PDF: variants seen among roughly 807,000 people sequenced by gnomAD.
The protein encoded by PDF is peptide deformylase, mitochondrial, also known as peptide deformylase-like protein.
A neutral mutation model predicts 20.3 loss-of-function variants in PDF; 31 were observed. The ratio of observed to expected loss-of-function variants is 1.52; its 90% CI spans 1.15 to 2.06. The LOEUF (loss-of-function observed/expected upper bound fraction) is 2.06, where lower values mean the gene tolerates loss of function less well. PDF is among the 30% of genes most tolerant of loss of function. The pLI is 0.00. For missense variants in PDF, 447 were observed against 362.5 expected (o/e 1.23, Z -1.89); for synonymous variants, 254 against 172.0 (o/e 1.48, Z -3.73).
At position 69,330,119 on chromosome 16, in the gene PDF, C is replaced by T. The variant is rs752362274; in HGVS notation, c.452G>A (p.Arg151His). The T allele has an allele frequency of 4.4e-6, 7 of 1,584,022 alleles. No individual in the cohort carries two copies. The highest frequency in any genetic ancestry group is 6.0e-6 in the Non-Finnish European group (7 of 1,167,858). Residue 151 changes from arginine to histidine, a missense_variant, in exon 1 of 2, where the codon CGC becomes CAC. Coordinates refer to ENST00000288022, the MANE Select transcript of PDF (RefSeq NM_022341.2). Reference sequence around the variant, plus strand: ...TCGCAGGCTGGGGTTCACGAACACGCGCAGGGGGAAGGGCTCCATTTGGCG... The same window carrying T: ...TCGCAGGCTGGGGTTCACGAACACGTGCAGGGGGAAGGGCTCCATTTGGCG... ...ALRQMEPFPL[R>H]VFVNPSLRVL...
intron 1 of PDF, among the ~76,000 whole-genome samples, chr16:69,329,509 G>A (rs1390912780): frequency 1.3e-5 from 2 of 152,190 alleles, no homozygotes; most frequent in Non-Finnish European, 2.9e-5. Flanking sequence ...CAGAGGTTCT[G>A]CAGCTTGAGA....
In PDF at chr16:69,330,409, A is replaced by C. The variant is rs1403627963; in HGVS notation, c.162T>G (p.Arg54=). Residue 54 remains arginine, a synonymous_variant, in exon 1 of 2, where the codon CGT becomes CGG. Transcript: ENST00000288022. ...GCGGTTCGGGAGGACCCAGCACCAGACGCCTCAGGTGGCGCCAATAGGAGC... is the reference window on the plus strand; with the variant it reads ...GCGGTTCGGGAGGACCCAGCACCAGCCGCCTCAGGTGGCGCCAATAGGAGC... ...LRRSYWRHLR[R]LVLGPPEPPF... is the part of the protein sequence containing the mutation. 1 of 1,478,094 alleles carries C rather than the reference A, an allele frequency of 6.8e-7. No individual in the cohort carries two copies. The highest frequency in any genetic ancestry group is 8.9e-7 in the Non-Finnish European group (1 of 1,122,522). 91.6% of individuals were successfully genotyped at this position (1,478,094 alleles called of 1,614,324 possible).
chr16:69,329,581 G>A (rs1965718628), intron 1 of PDF, among the ~76,000 whole-genome samples: 2 of 152,146 alleles, frequency 1.3e-5, no homozygotes, highest in South Asian at 2.1e-4. Flanking sequence ...CAATCACCCC[G>A]ACCCCAGCAG....
chr16:69,330,240 G>C lies in PDF; in HGVS notation c.331C>G (p.Leu111Val), dbSNP rs1199458738. ...QVMRRRRCVG[L>V]SAPQLGVPRQ... Reference sequence around the variant, plus strand: ...GGCACCCCCAGCTGCGGCGCGCTTAGGCCCACGCAGCGCCGCCGCCGCATC... The same window carrying C: ...GGCACCCCCAGCTGCGGCGCGCTTACGCCCACGCAGCGCCGCCGCCGCATC... Residue 111 changes from leucine to valine, a missense_variant, in exon 1 of 2, where the codon CTA (leucine) becomes GTA (valine). Coordinates refer to ENST00000288022, the MANE Select transcript of PDF (RefSeq NM_022341.2). The C allele has an allele frequency of 1.5e-5, 22 of 1,442,944 alleles. No individual in the cohort carries two copies. The highest frequency in any genetic ancestry group is 2.0e-5 in the Non-Finnish European group (22 of 1,106,914). The allele number at this position is 1,442,944 out of a possible 1,614,324, so 89.4% of individuals were successfully genotyped here.
intron 1 of PDF, among the ~76,000 whole-genome samples, chr16:69,329,496 T>C (rs2143302395): frequency 6.6e-6 from 1 of 152,308 alleles, no homozygotes; most frequent in South Asian, 2.1e-4. Flanking sequence ...TCCCAACTCC[T>C]AACAGAGGTT....
In PDF at chr16:69,330,488, C is replaced by T. The variant is rs2011715638; in HGVS notation, c.83G>A (p.Arg28Gln). 6.8e-7 allele frequency: 1 copy of T among 1,473,158 alleles called. No individual in the cohort carries two copies. Among genetic ancestry groups the T allele is most frequent in the African/African-American group, 1.5e-5 (1 of 67,778 alleles). 91.3% of individuals were successfully genotyped at this position (1,473,158 alleles called of 1,614,324 possible). A position where few individuals can be genotyped will look rare whatever the true frequency, so the allele number is the denominator to read the frequency against. The change falls in exon 1 of 2, where the codon CGG (arginine) becomes CAG (glutamine). Residue 28 changes from arginine (R) to glutamine (Q), a missense_variant. Arg to Gln is a conservative substitution (Grantham distance 43). Coordinates refer to ENST00000288022, the MANE Select transcript of PDF (RefSeq NM_022341.2). ...PWGGAAAVGVRACSSTAAPDG... is the reference protein window; with the variant it reads ...PWGGAAAVGVQACSSTAAPDG... ...CGGGGCGGCCGTGGAGCTGCAAGCC[C>T]GGACACCGACGGCTGCCGCCCCGCC...
rs1196388488 is a variant in PDF at position 69,329,124 on chromosome 16, G to A, written c.630C>T (p.Arg210=). 22 of 1,609,936 alleles carry A rather than the reference G, an allele frequency of 1.4e-5. No individual in the cohort carries two copies. Among genetic ancestry groups the A allele is most frequent in the Non-Finnish European group, 1.9e-5 (22 of 1,179,270 alleles). ...GGTGGTCCATCTCGTGCTGGATGATGCGGGCTGCCCACCCGCTCGCCTGCC... is the reference window on the plus strand; with the variant it reads ...GGTGGTCCATCTCGTGCTGGATGATACGGGCTGCCCACCCGCTCGCCTGCC... ...VVWQASGWAA[R]IIQHEMDHLQ... Residue 210 remains arginine, a synonymous_variant, in exon 2 of 2, where the codon CGC becomes CGT. Transcript: ENST00000288022.
Position 69,330,121 on chromosome 16 carries a change from C to A in PDF, c.450G>T (p.Leu150=), listed in dbSNP as rs1326949429. The A allele has an allele frequency of 3.8e-6, 6 of 1,584,056 alleles. No individual in the cohort carries two copies. The East Asian group carries it at 1.4e-4, about 38-fold the overall frequency. The change falls in exon 1 of 2, where the codon CTG becomes CTT. Residue 150 remains leucine (L), a synonymous_variant. Transcript: ENST00000288022. ...RALRQMEPFP[L]RVFVNPSLRV... Reference sequence around the variant, plus strand: ...GCAGGCTGGGGTTCACGAACACGCGCAGGGGGAAGGGCTCCATTTGGCGGA... The same window carrying A: ...GCAGGCTGGGGTTCACGAACACGCGAAGGGGGAAGGGCTCCATTTGGCGGA...
In PDF at chr16:69,329,122, A is replaced by T; in HGVS notation, c.632T>A (p.Ile211Asn). ...CAGGTGGTCCATCTCGTGCTGGATG[A>T]TGCGGGCTGCCCACCCGCTCGCCTG... ...VWQASGWAAR[I>N]IQHEMDHLQG... Residue 211 changes from isoleucine to asparagine, a missense_variant, in exon 2 of 2, where the codon ATC becomes AAC. Coordinates refer to ENST00000288022, the MANE Select transcript of PDF (RefSeq NM_022341.2). The T allele has an allele frequency of 6.2e-7, 1 of 1,610,190 alleles. No homozygotes were observed. Among genetic ancestry groups the T allele is most frequent in the Non-Finnish European group, 8.5e-7 (1 of 1,179,274 alleles).
At chr16:69,329,925 C>G in intron 1 of PDF, 72 bp downstream of exon 1, 1 of 1,445,786 alleles carries the variant, frequency 6.9e-7, no homozygotes, top group Non-Finnish European at 9.1e-7. Flanking sequence ...GCGACCACTT[C>G]TGCGCTCTCG....
Position 69,330,075 on chromosome 16 carries a change from C to T in PDF, c.496G>A (p.Val166Ile), listed in dbSNP as rs376965963. 1.3e-5 allele frequency: 20 copies of T among 1,566,858 alleles called. No individual in the cohort carries two copies. The highest frequency in any genetic ancestry group is 1.3e-5 in the Non-Finnish European group (15 of 1,158,536). ...PSLRVLDSRLVTFPEGCESVA... is the reference protein window; with the variant it reads ...PSLRVLDSRLITFPEGCESVA... ...CTCTCGCAGCCCTCGGGAAAGGTGA[C>T]CAGGCGGCTGTCAAGCACTCGCAGG... The change falls in exon 1 of 2, where the codon GTC becomes ATC. Residue 166 changes from valine to isoleucine, a missense_variant. By Grantham distance (29) the Val-to-Ile change is conservative. Coordinates refer to ENST00000288022, the MANE Select transcript of PDF (RefSeq NM_022341.2).
Position 69,330,249 on chromosome 16 carries a change from A to C in PDF, c.322T>G (p.Cys108Gly). 7.0e-7 allele frequency: 1 copy of C among 1,436,898 alleles called. No individual in the cohort carries two copies. Among genetic ancestry groups the C allele is most frequent in the Non-Finnish European group, 9.1e-7 (1 of 1,104,414 alleles). 89.0% of individuals were successfully genotyped at this position (1,436,898 alleles called of 1,614,324 possible). ...RLVQVMRRRR[C>G]VGLSAPQLGV... is the part of the protein sequence containing the mutation. ...AGCTGCGGCGCGCTTAGGCCCACGCAGCGCCGCCGCCGCATCACCTGGACC... is the reference window on the plus strand; with the variant it reads ...AGCTGCGGCGCGCTTAGGCCCACGCCGCGCCGCCGCCGCATCACCTGGACC... Residue 108 changes from cysteine to glycine, a missense_variant, in exon 1 of 2, where the codon TGC becomes GGC. Transcript: ENST00000288022.
At chr16:69,329,246 C>A in intron 1 of PDF, 67 bp from the exon 2 acceptor site, 2 of 1,451,178 alleles carry the variant, frequency 1.4e-6, no homozygotes, top group South Asian at 2.9e-5. Flanking sequence ...ACCTCCCTAC[C>A]CCTGCCCCCG....
rs1965615056 is a variant in PDF at position 69,327,124 on chromosome 16, A to G, written c.*1898T>C. On this transcript the variant is annotated 3_prime_UTR_variant, in exon 2 of 2. Coordinates refer to ENST00000288022, the MANE Select transcript of PDF (RefSeq NM_022341.2). ...TTCTACAAATCTCCCCATTGGCTGC[A>G]TCTCTGACCTTGCACCAGTATCTGG... The G allele has an allele frequency of 6.8e-6, 1 of 146,152 alleles. No individual in the cohort carries two copies. The highest frequency in any genetic ancestry group is 2.6e-5 in the African/African-American group (1 of 38,976). 9.1% of individuals were successfully genotyped at this position (146,152 alleles called of 1,614,324 possible). A position where few individuals can be genotyped will look rare whatever the true frequency, so the allele number is the denominator to read the frequency against.
chr16:69,328,850 T>A lies in PDF; in HGVS notation c.*172A>T. On this transcript the variant is annotated 3_prime_UTR_variant, in exon 2 of 2. Coordinates refer to ENST00000288022, the MANE Select transcript of PDF (RefSeq NM_022341.2). ...AGCCAACATTTTGTCCGTAACTGAT[T>A]TCAGGGCAAACATTTCTGACATCTT... 2 of 879,494 alleles carry A rather than the reference T, an allele frequency of 2.3e-6. No homozygotes were observed. The highest frequency in any genetic ancestry group is 3.6e-5 in the South Asian group (2 of 54,874). 54.5% of individuals were successfully genotyped at this position (879,494 alleles called of 1,614,324 possible).
At position 69,330,305 on chromosome 16, in the gene PDF, C is replaced by A; in HGVS notation, c.266G>T (p.Gly89Val). 3 of 1,433,950 alleles carry A rather than the reference C, an allele frequency of 2.1e-6. No homozygotes were observed. Among genetic ancestry groups the A allele is most frequent in the Non-Finnish European group, 1.8e-6 (2 of 1,102,900 alleles). The allele number at this position is 1,433,950 out of a possible 1,614,324, so 88.8% of individuals were successfully genotyped here. A position where few individuals can be genotyped will look rare whatever the true frequency, so the allele number is the denominator to read the frequency against. ...AAPVERAQLG[G>V]PELQRLTQRL... ...TTGCGTCAGCCGCTGCAGCTCGGGC[C>A]CGCCTAGCTGCGCCCGCTCCACCGG... The change falls in exon 1 of 2, where the codon GGG (glycine) becomes GTG (valine). Residue 89 changes from glycine to valine, a missense_variant. Transcript: ENST00000288022.
rs909404415 is a variant in PDF, at chr16:69,330,025, C to T, written c.546G>A (p.Val182=). The change falls in exon 1 of 2, where the codon GTG becomes GTA. Residue 182 remains valine (V), a synonymous_variant. Transcript: ENST00000288022. ...AGATCTGCACCGCCTGGAAGCGGGG[C>T]ACGCAGGCCAGGAAGCCGGCGACGC... ...CESVAGFLAC[V]PRFQAVQISG... 24 of 1,542,290 alleles carry T rather than the reference C, an allele frequency of 1.6e-5. No individual in the cohort carries two copies. Among genetic ancestry groups the T allele is most frequent in the Non-Finnish European group, 2.0e-5 (23 of 1,144,242 alleles).
In PDF at chr16:69,328,893, C is replaced by CAT; in HGVS notation, c.*127_*128dup. On this transcript the variant is annotated 3_prime_UTR_variant, in exon 2 of 2. Coordinates refer to ENST00000288022, the MANE Select transcript of PDF (RefSeq NM_022341.2). ...GACATCTTCCTCCAGCTCAGTCTGC[C>CAT]ATGCCTTGGCAATCCAGTTTCCTGT... 7 of 1,218,604 alleles carry CAT rather than the reference C, an allele frequency of 5.7e-6. No homozygotes were observed. The highest frequency in any genetic ancestry group is 6.8e-6 in the Non-Finnish European group (6 of 882,474). The allele number at this position is 1,218,604 out of a possible 1,614,324, so 75.5% of individuals were successfully genotyped here. A position where few individuals can be genotyped will look rare whatever the true frequency, so the allele number is the denominator to read the frequency against.
rs550203511 is a variant in PDF, at chr16:69,328,890, T to G, written c.*132A>C. The G allele has an allele frequency of 2.5e-6, 3 of 1,179,488 alleles. No homozygotes were observed. The highest frequency in any genetic ancestry group is 3.5e-6 in the Non-Finnish European group (3 of 850,118). The allele number at this position is 1,179,488 out of a possible 1,614,324, so 73.1% of individuals were successfully genotyped here. ...TCTGACATCTTCCTCCAGCTCAGTCTGCCATGCCTTGGCAATCCAGTTTCC... is the reference window on the plus strand; with the variant it reads ...TCTGACATCTTCCTCCAGCTCAGTCGGCCATGCCTTGGCAATCCAGTTTCC... On this transcript the variant is annotated 3_prime_UTR_variant, in exon 2 of 2. Coordinates refer to ENST00000288022, the MANE Select transcript of PDF (RefSeq NM_022341.2).
Sources: gnomAD v4.1 joint callset for allele counts (sites outside exome capture counted in the v4.1 genomes callset) on GRCh38, gnomAD v4.1.1 for gene constraint, MANE v1.5 for transcripts, NCBI Gene and HGNC (gene_info 2026-07-23, HGNC 2026-07-21) for gene names.